Variants in FBXW8 observed in about 807,000 individuals in gnomAD.
FBXW8 encodes the protein F-box/WD repeat-containing protein 8.
FBXW8 carries 57 observed loss-of-function variants against 65.3 expected under a neutral mutation model. The ratio of observed to expected loss-of-function variants is 0.87; its 90% CI spans 0.71 to 1.09. The LOEUF is 1.09. FBXW8 is among the 50% of genes least tolerant of loss of function. The pLI, the probability that FBXW8 is intolerant of heterozygous loss-of-function variation, is 0.00. For synonymous variants in FBXW8, 308 were observed against 330.2 expected, an observed-to-expected ratio of 0.93 and a Z score of 0.73; for missense variants, 777 against 814.8, an observed-to-expected ratio of 0.95 and a Z score of 0.57.
intron 8 of FBXW8, among the ~76,000 whole-genome samples, chr12:117,012,221 G>A (rs938593838): frequency 3.9e-5 from 6 of 152,150 alleles, no homozygotes. Context: ...GTGTCAAAGG[G>A]CTCTCTGGTC....
chr12:116,974,619 G>A (rs974432092), intron 5 of FBXW8, among the ~76,000 whole-genome samples: 2 of 152,180 alleles, frequency 1.3e-5, no homozygotes, highest in African/African-American at 4.8e-5. Flanking sequence ...CACAATGTCT[G>A]TCATCCAATA....
chr12:116,933,501 T>C (rs1313181035), intron 2 of FBXW8, among the ~76,000 whole-genome samples: 1 of 152,214 alleles, frequency 6.6e-6, no homozygotes, highest in Non-Finnish European at 1.5e-5. Context: ...GCTGGTGATA[T>C]TATTCTGCAG....
intron 1 of FBXW8, among the ~76,000 whole-genome samples, chr12:116,923,649 G>A (rs553038535): frequency 5.1e-4 from 78 of 151,644 alleles, no homozygotes; most frequent in Admixed American, 4.7e-3. Context: ...TCAGCCTCTC[G>A]AGTAGCTGGG....
At chr12:117,016,175 A>G (rs1269576056) in intron 8 of FBXW8, among the ~76,000 whole-genome samples, 2 of 152,210 alleles carry the variant, frequency 1.3e-5, no homozygotes, top group African/African-American at 4.8e-5. Context: ...AGTTGGGGAA[A>G]TACACTGGGA....
In FBXW8 at chr12:116,914,107, C is replaced by CA. The variant is rs1170896656; in HGVS notation, c.318+2758dup. On this transcript the variant is annotated intron_variant, in intron 1 of 10. Coordinates refer to ENST00000652555, the MANE Select transcript of FBXW8 (RefSeq NM_153348.3). Reference sequence around the variant, plus strand: ...GCAACATAGTGAAACCCTGGTTCTACAAAAAATTTAAAAAATTTAGCTAGG... The same window carrying CA: ...GCAACATAGTGAAACCCTGGTTCTACAAAAAAATTTAAAAAATTTAGCTAGG... 4.6e-5 allele frequency among the ~76,000 whole-genome samples: 7 copies of CA among 152,100 alleles called. No homozygotes were observed. The South Asian group carries it at 1.2e-3, about 27-fold the overall frequency.
intron 4 of FBXW8, among the ~76,000 whole-genome samples, chr12:116,955,038 G>GC (rs202153491): frequency 6.3e-4 from 88 of 139,810 alleles, no homozygotes; most frequent in Middle Eastern, 3.8e-3. Context: ...TCTTGAAATG[G>GC]GGGGGGGGGG....
At chr12:117,014,671 A>G (rs1953905238) in intron 8 of FBXW8, among the ~76,000 whole-genome samples, 1 of 152,222 alleles carries the variant, frequency 6.6e-6, no homozygotes, top group Non-Finnish European at 1.5e-5. Context: ...TGGTGACTCC[A>G]ATGTCAGTTT....
At chr12:117,009,511 G>A (rs2135708198) in intron 7 of FBXW8, among the ~76,000 whole-genome samples, 1 of 152,284 alleles carries the variant, frequency 6.6e-6, no homozygotes, top group African/African-American at 2.4e-5. Flanking sequence ...TGTTAATGAG[G>A]AGCCTTCTGA....
chr12:116,916,987 G>C (rs1041491542), intron 1 of FBXW8, among the ~76,000 whole-genome samples: 1 of 152,128 alleles, frequency 6.6e-6, no homozygotes, highest in Non-Finnish European at 1.5e-5. Flanking sequence ...CCCCAAGTGG[G>C]CATTCTCAGA....
At chr12:116,913,849 A>T (rs566289432) in intron 1 of FBXW8, among the ~76,000 whole-genome samples, 1 of 152,170 alleles carries the variant, frequency 6.6e-6, no homozygotes, top group African/African-American at 2.4e-5. Context: ...ATGTTGTTGG[A>T]AAAGGCCTTC....
chr12:116,973,663 G>A (rs181668110), intron 5 of FBXW8, among the ~76,000 whole-genome samples: 1 of 152,280 alleles, frequency 6.6e-6, no homozygotes, highest in East Asian at 1.9e-4. Flanking sequence ...CTTCAGCACT[G>A]TCAAGGTCAT....
intron 8 of FBXW8, among the ~76,000 whole-genome samples, chr12:117,016,350 G>A (rs1329494400): frequency 2.6e-5 from 4 of 152,190 alleles, no homozygotes; most frequent in African/African-American, 9.6e-5. Context: ...TTCTAGATTT[G>A]CATTTCTCTG....
chr12:117,015,373 C>T (rs536841700), intron 8 of FBXW8, among the ~76,000 whole-genome samples: 1 of 152,204 alleles, frequency 6.6e-6, no homozygotes, highest in African/African-American at 2.4e-5. Context: ...CAGCAGTGGG[C>T]TTACTCCGTT....
At chr12:117,023,939 C>T (rs1370319471) in intron 8 of FBXW8, among the ~76,000 whole-genome samples, 2 of 152,346 alleles carry the variant, frequency 1.3e-5, no homozygotes, top group African/African-American at 2.4e-5. Context: ...CTTTCTTGCT[C>T]CATGTGCTTT....
intron 8 of FBXW8, 64 bp from the exon 9 acceptor site, chr12:117,024,083 T>A: frequency 6.4e-7 from 1 of 1,550,942 alleles, no homozygotes; most frequent in Non-Finnish European, 8.8e-7. Flanking sequence ...GGAGGGGGAG[T>A]TTGTCATTTG....
intron 2 of FBXW8, among the ~76,000 whole-genome samples, chr12:116,939,153 A>G (rs1181925654): frequency 1.3e-5 from 2 of 152,218 alleles, no homozygotes; most frequent in Non-Finnish European, 2.9e-5. Flanking sequence ...AGTTTAGGAA[A>G]TGCAGCTTCT....
intron 8 of FBXW8, among the ~76,000 whole-genome samples, chr12:117,019,425 G>A (rs1244710829): frequency 1.3e-5 from 2 of 152,168 alleles, no homozygotes; most frequent in Non-Finnish European, 2.9e-5. Flanking sequence ...GGAATCGGTT[G>A]TCTTGGCATA....
chr12:116,932,524 G>C (rs1435534646), intron 2 of FBXW8, among the ~76,000 whole-genome samples: 1 of 152,170 alleles, frequency 6.6e-6, no homozygotes, highest in African/African-American at 2.4e-5. Flanking sequence ...GGACCATTTA[G>C]ACAGTTTATG....
At chr12:116,973,633 CAA>C in intron 5 of FBXW8, among the ~76,000 whole-genome samples, 1 of 152,288 alleles carries the variant, frequency 6.6e-6, no homozygotes, top group East Asian at 1.9e-4. Context: ...GGACATTCCA[CAA>C]AATGACTGGC....
Sources: gnomAD v4.1 joint callset for allele counts (sites outside exome capture counted in the v4.1 genomes callset) on GRCh38, gnomAD v4.1.1 for gene constraint, MANE v1.5 for transcripts, NCBI Gene and HGNC (gene_info 2026-07-23, HGNC 2026-07-21) for gene names.